Variants in MID1 observed in about 807,000 individuals in gnomAD.
MID1 encodes E3 ubiquitin-protein ligase Midline-1.
In MID1, 7 loss-of-function variants were observed where a neutral mutation model predicts 40.4. The ratio of observed to expected loss-of-function variants is 0.17; its 90% confidence interval spans 0.10 to 0.33. The LOEUF (loss-of-function observed/expected upper bound fraction) is 0.33, where lower values mean the gene tolerates loss of function less well. Among genes scored for constraint, MID1 ranks in the 10% least tolerant of loss-of-function variants. The pLI, the probability that MID1 is intolerant of heterozygous loss-of-function variation, is 1.00. For missense variants in MID1, 367 were observed against 558.5 expected (o/e 0.66, Z 3.46); for synonymous variants, 229 against 221.2 (o/e 1.04, Z -0.31).
At chrX:10,731,966 C>CAAAAAAAAAAAAAAAAAAAA (rs754605735) in intron 1 of MID1, among the ~76,000 whole-genome samples, 1 of 26,655 alleles carries the variant, frequency 3.8e-5, no homozygotes, top group African/African-American at 9.6e-5. Flanking sequence ...GAATCTATCA[C>CAAAAAAAAAAAAAAAAAAAA]AAAAAAAAAA....
intron 4 of MID1, among the ~76,000 whole-genome samples, chrX:10,485,278 T>C (rs890788898): frequency 1.1e-4 from 12 of 112,410 alleles, no homozygotes; most frequent in African/African-American, 3.6e-4. Context: ...TGCAGCACAC[T>C]CTGAAACACT....
At chrX:10,597,123 A>G (rs1935427707) in intron 1 of MID1, among the ~76,000 whole-genome samples, 1 of 111,272 alleles carries the variant, frequency 9.0e-6, no homozygotes, top group Admixed American at 9.6e-5. Flanking sequence ...TATTATACAT[A>G]TGTATAATGT....
At chrX:10,526,728 AGCC>A (rs1263179409) in intron 2 of MID1, among the ~76,000 whole-genome samples, 2 of 112,087 alleles carry the variant, frequency 1.8e-5, no homozygotes, top group East Asian at 5.6e-4. Flanking sequence ...CATAGACTAA[AGCC>A]TGTGGTTTAA....
At chrX:10,817,552 CT>C (rs2044145852) in intron 1 of MID1, among the ~76,000 whole-genome samples, 3 of 97,501 alleles carry the variant, frequency 3.1e-5, no homozygotes, top group Non-Finnish European at 6.1e-5. Context: ...TTCTTTCTTT[CT>C]TTCTTTCTTT....
intron 1 of MID1, among the ~76,000 whole-genome samples, chrX:10,703,221 A>G (rs1190268089): frequency 8.9e-6 from 1 of 112,587 alleles, no homozygotes; most frequent in African/African-American, 3.2e-5. Flanking sequence ...ACCAAAAATC[A>G]TGCCATCAGC....
chrX:10,454,801 T>C (rs137964535), intron 9 of MID1, 69 bp downstream of exon 9: 15,871 of 931,556 alleles, frequency 0.017, 125 homozygotes, highest in Non-Finnish European at 0.022. Context: ...ACAGTATGGG[T>C]TGACTCTCTA....
intron 2 of MID1, among the ~76,000 whole-genome samples, chrX:10,550,970 G>A (rs1363617839): frequency 9.0e-6 from 1 of 111,559 alleles, no homozygotes; most frequent in Non-Finnish European, 1.9e-5. Flanking sequence ...AATATATACA[G>A]TCGTCCCGAG....
At chrX:10,820,858 A>T (rs2044169585) in intron 1 of MID1, among the ~76,000 whole-genome samples, 1 of 112,386 alleles carries the variant, frequency 8.9e-6, no homozygotes, top group African/African-American at 3.2e-5. Context: ...ACCGTGTCAA[A>T]CTCATTTTCT....
At chrX:10,529,677 C>T (rs1322775416) in intron 2 of MID1, among the ~76,000 whole-genome samples, 2 of 111,682 alleles carry the variant, frequency 1.8e-5, no homozygotes, top group Non-Finnish European at 1.9e-5. Context: ...AGGCTTGTTT[C>T]TGGGTCTGAG....
chrX:10,706,901 C>T (rs371885042), intron 1 of MID1, among the ~76,000 whole-genome samples: 5 of 111,398 alleles, frequency 4.5e-5, no homozygotes, highest in African/African-American at 1.6e-4. Flanking sequence ...CAGGGTGTAC[C>T]GTGCATTACT....
At chrX:10,782,642 T>C (rs1602574949) in intron 1 of MID1, among the ~76,000 whole-genome samples, 1 of 111,767 alleles carries the variant, frequency 8.9e-6, no homozygotes, top group South Asian at 3.8e-4. Context: ...TTTCCCACAT[T>C]TGTTCTGATT....
intron 1 of MID1, among the ~76,000 whole-genome samples, chrX:10,813,821 T>A (rs757161301): frequency 8.9e-6 from 1 of 111,764 alleles, no homozygotes; most frequent in East Asian, 2.8e-4. Context: ...TGGGGGACCC[T>A]CTTAACCTAG....
At chrX:10,774,052 G>A (rs2043787054) in intron 1 of MID1, among the ~76,000 whole-genome samples, 1 of 111,680 alleles carries the variant, frequency 9.0e-6, no homozygotes, top group Admixed American at 9.6e-5. Flanking sequence ...TCCTTCAGAA[G>A]GAGGAACAGA....
intron 4 of MID1, among the ~76,000 whole-genome samples, chrX:10,484,054 A>C (rs1309769857): frequency 1.8e-5 from 2 of 112,355 alleles, no homozygotes; most frequent in African/African-American, 6.5e-5. Flanking sequence ...TAGTGGAATA[A>C]AATAACACTT....
chrX:10,665,538 T>C (rs778639047), intron 1 of MID1, among the ~76,000 whole-genome samples: 2 of 109,179 alleles, frequency 1.8e-5, no homozygotes, highest in Admixed American at 2.0e-4. Flanking sequence ...CTTTTTTTTT[T>C]TTTTTTTGAG....
intron 1 of MID1, among the ~76,000 whole-genome samples, chrX:10,768,321 A>C (rs2147125047): frequency 8.9e-6 from 1 of 112,042 alleles, no homozygotes; most frequent in African/African-American, 3.2e-5. Context: ...AAAAAGAACA[A>C]GAAAATAAGA....
chrX:10,682,805 C>T (rs753016396), intron 1 of MID1, among the ~76,000 whole-genome samples: 11 of 111,605 alleles, frequency 9.9e-5, no homozygotes, highest in Admixed American at 9.5e-4. Flanking sequence ...GCTAACTTCT[C>T]GTATAACAAT....
chrX:10,754,545 CT>C (rs2043620533), intron 1 of MID1, among the ~76,000 whole-genome samples: 1 of 111,056 alleles, frequency 9.0e-6, no homozygotes, highest in Non-Finnish European at 1.9e-5. Flanking sequence ...GTAAGACCCC[CT>C]GAAATGAAAT....
intron 1 of MID1, among the ~76,000 whole-genome samples, chrX:10,701,197 T>C (rs921223274): frequency 8.9e-6 from 1 of 112,096 alleles, no homozygotes; most frequent in Non-Finnish European, 1.9e-5. Context: ...TGCTGAAGTG[T>C]TATCCCTTCC....
Sources: gnomAD v4.1 joint callset for allele counts (sites outside exome capture counted in the v4.1 genomes callset) on GRCh38, gnomAD v4.1.1 for gene constraint, MANE v1.5 for transcripts, NCBI Gene and HGNC (gene_info 2026-07-23, HGNC 2026-07-21) for gene names.